PLA2G6: variants seen among roughly 807,000 people sequenced by gnomAD.
The protein encoded by PLA2G6 is 85/88 kDa calcium-independent phospholipase A2.
In PLA2G6, 62 loss-of-function variants were observed where a neutral mutation model predicts 83.8. The observed-to-expected ratio is 0.74, with a 90% CI of 0.60 to 0.91. PLA2G6 has a LOEUF of 0.91. Ranked by LOEUF, PLA2G6 falls within the 40% of genes least tolerant of loss-of-function variation. PLA2G6 has a pLI of 0.00. For missense variants in PLA2G6, 944 were observed against 1,102.0 expected (o/e 0.86, Z 2.03); for synonymous variants, 417 against 449.8 (o/e 0.93, Z 0.92).
intron 2 of PLA2G6, chr22:38,148,693 G>A: frequency 1.6e-6 from 1 of 623,296 alleles, no homozygotes; most frequent in Non-Finnish European, 2.9e-6. Context: ...ACGTAGCCTA[G>A]GAATAAGGGT....
intron 2 of PLA2G6, among the ~76,000 whole-genome samples, chr22:38,159,042 T>TA (rs11570624): frequency 0.41 from 61,614 of 151,630 alleles, 12,862 homozygotes; most frequent in South Asian, 0.49. Flanking sequence ...CTACTAAAAA[T>TA]AAAAAAATTA....
At chr22:38,153,635 CAAA>C (rs1462467837) in intron 2 of PLA2G6, among the ~76,000 whole-genome samples, 2 of 88,106 alleles carry the variant, frequency 2.3e-5, no homozygotes, top group Non-Finnish European at 2.4e-5. Flanking sequence ...AACTCCGTCT[CAAA>C]AAAAAAAAAA....
intron 3 of PLA2G6, chr22:38,145,223 T>G: frequency 1.6e-6 from 1 of 611,748 alleles, no homozygotes; most frequent in South Asian, 1.9e-5. Context: ...AGAGACAAGG[T>G]CTTGCTATTT....
chr22:38,157,269 A>G (rs991004596), intron 2 of PLA2G6, among the ~76,000 whole-genome samples: 3 of 152,196 alleles, frequency 2.0e-5, no homozygotes, highest in African/African-American at 4.8e-5. Flanking sequence ...AAATGACAAA[A>G]GAGATATTAC....
chr22:38,152,375 G>C (rs770673164), intron 2 of PLA2G6, among the ~76,000 whole-genome samples: 1 of 151,878 alleles, frequency 6.6e-6, no homozygotes, highest in Non-Finnish European at 1.5e-5. Context: ...TAATTTTTTT[G>C]TATTTTTTTT....
intron 9 of PLA2G6, chr22:38,126,711 C>G: frequency 2.0e-6 from 1 of 510,244 alleles, no homozygotes; most frequent in East Asian, 3.6e-5. Flanking sequence ...GCCCAGCCAG[C>G]TCCCAGGTTC....
chr22:38,177,236 C>T (rs1364152814), intron 1 of PLA2G6, among the ~76,000 whole-genome samples: 1 of 151,958 alleles, frequency 6.6e-6, no homozygotes, highest in African/African-American at 2.4e-5. Flanking sequence ...GGTGAGAAAA[C>T]ACTGAATGAA....
chr22:38,142,955 G>A lies in PLA2G6; in HGVS notation c.609+150C>T, dbSNP rs11570648. 1.3e-5 allele frequency: 10 copies of A among 792,772 alleles called. No homozygotes were observed. The African/African-American group carries it at 1.7e-4, about 13-fold the overall frequency. The allele number at this position is 792,772 out of a possible 1,614,324, so 49.1% of individuals were successfully genotyped here. A position where few individuals can be genotyped will look rare whatever the true frequency, so the allele number is the denominator to read the frequency against. Reference sequence around the variant, plus strand: ...GCTGGGAGGGAAGAGCCAGGGAGGGGTCTGCACCCTCCATGAAGGAGCTCA... The same window carrying A: ...GCTGGGAGGGAAGAGCCAGGGAGGGATCTGCACCCTCCATGAAGGAGCTCA... On this transcript the variant is annotated intron_variant, in intron 4 of 16. Transcript: ENST00000332509.
intron 9 of PLA2G6, chr22:38,126,679 T>C: frequency 1.8e-6 from 1 of 554,876 alleles, no homozygotes; most frequent in Non-Finnish European, 3.3e-6. Flanking sequence ...GGCCCACTGC[T>C]CTGGGAAGGG....
chr22:38,113,636 T>C lies in PLA2G6; in HGVS notation c.2053A>G (p.Lys685Glu), dbSNP rs1379480599. 1 of 1,613,826 alleles carries C rather than the reference T, an allele frequency of 6.2e-7. No individual in the cohort carries two copies. The highest frequency in any genetic ancestry group is 2.2e-5 in the East Asian group (1 of 44,882). The change falls in exon 15 of 17, where the codon AAG (lysine) becomes GAG (glutamate). Residue 685 changes from lysine to glutamate, a missense_variant. Transcript: ENST00000332509. ...AGGGAGACAACGATGGAGAGTTTCT[T>C]CACCTTGTTGGCCTGACCCTGTTGG... ...LIRKGQANKV[K>E]KLSIVVSLGT...
chr22:38,145,192 C>G, intron 3 of PLA2G6: 1 of 540,296 alleles, frequency 1.9e-6, no homozygotes, highest in East Asian at 3.4e-5. Flanking sequence ...TAGACACATG[C>G]TAATTTTTTA....
Position 38,140,028 on chromosome 22 carries a change from G to T in PLA2G6, c.751C>A (p.Pro251Thr), listed in dbSNP as rs1289734612. 85 of 1,611,932 alleles carry T rather than the reference G, an allele frequency of 5.3e-5. No homozygotes were observed. Among genetic ancestry groups the T allele is most frequent in the Non-Finnish European group, 6.7e-5 (79 of 1,179,082 alleles). ...GCCGAGTGGATGGGGTAGCCGTTGG[G>T]GCCCATGATGTTGCACCGAGCATTG... is the stretch of plus-strand genomic sequence containing the variant. Reference protein sequence around the residue: ...LCNARCNIMGPNGYPIHSAMK... With the variant: ...LCNARCNIMGTNGYPIHSAMK... The change falls in exon 5 of 17, where the codon CCC becomes ACC. Residue 251 changes from proline to threonine, a missense_variant. Physicochemically the swap from Pro to Thr is conservative, Grantham distance 38 (BLOSUM62 -1). Transcript: ENST00000332509.
Position 38,132,594 on chromosome 22 carries a change from G to A in PLA2G6, c.1077+237C>T, listed in dbSNP as rs1569263325. ...TCGTGCCATGCAAGTGCCAAATGGG[G>A]GCACAGGTGGAAAAGGTACCACAGC... On this transcript the variant is annotated intron_variant, in intron 7 of 16. Transcript: ENST00000332509. The surrounding 1 kb of genome is among the most constrained non-coding windows in gnomAD (Gnocchi z 5.0). 2 of 582,020 alleles carry A rather than the reference G, an allele frequency of 3.4e-6. No individual in the cohort carries two copies. Among genetic ancestry groups the A allele is most frequent in the South Asian group, 2.1e-5 (1 of 48,468 alleles). 36.1% of individuals were successfully genotyped at this position (582,020 alleles called of 1,614,324 possible). A position where few individuals can be genotyped will look rare whatever the true frequency, so the allele number is the denominator to read the frequency against.
chr22:38,156,678 C>T (rs913754287), intron 2 of PLA2G6, among the ~76,000 whole-genome samples: 1 of 152,096 alleles, frequency 6.6e-6, no homozygotes, highest in Non-Finnish European at 1.5e-5. Context: ...TGGTCTCGAT[C>T]TCCTGACCTC....
chr22:38,177,126 T>C (rs2090664932), intron 1 of PLA2G6, among the ~76,000 whole-genome samples: 3 of 150,538 alleles, frequency 2.0e-5, no homozygotes, highest in Non-Finnish European at 4.4e-5. Flanking sequence ...AGAGAGGAAA[T>C]GGGGTGGCAG....
At chr22:38,122,990 C>T in intron 11 of PLA2G6, 105 bp downstream of exon 11, 1 of 1,145,744 alleles carries the variant, frequency 8.7e-7, no homozygotes, top group Non-Finnish European at 1.3e-6. Flanking sequence ...TATAGCCCTC[C>T]TCTACTCCTC....
intron 6 of PLA2G6, chr22:38,133,726 T>C (rs1482161134): frequency 6.6e-6 from 1 of 152,522 alleles, no homozygotes; most frequent in Non-Finnish European, 1.5e-5. Context: ...TCTGTCAAGC[T>C]GTGCTTCCTG....
At chr22:38,125,211 CGTGT>C (rs552278842) in intron 10 of PLA2G6, among the ~76,000 whole-genome samples, 6 of 152,014 alleles carry the variant, frequency 3.9e-5, no homozygotes, top group South Asian at 2.1e-4. Flanking sequence ...TGTGCATGCA[CGTGT>C]GTTTGCATGT....
At chr22:38,142,698 G>C (rs2088990180) in intron 4 of PLA2G6, 2 of 324,270 alleles carry the variant, frequency 6.2e-6, no homozygotes, top group South Asian at 5.6e-5. Context: ...GTCCTGGGCT[G>C]CATGCAGCCT....
Sources: gnomAD v4.1 joint callset for allele counts (sites outside exome capture counted in the v4.1 genomes callset) on GRCh38, gnomAD v4.1.1 for gene constraint, Gnocchi (gnomAD v3.1) non-coding constraint, MANE v1.5 for transcripts, NCBI Gene and HGNC (gene_info 2026-07-23, HGNC 2026-07-21) for gene names.